The following TENM3 variants were observed in gnomAD, a reference collection of about 807,000 sequenced individuals.
TENM3 encodes the protein teneurin transmembrane protein 3.
A neutral mutation model predicts 255.1 loss-of-function variants in TENM3; 63 were observed. That is an observed-to-expected ratio of 0.25 (90% CI 0.20 to 0.30). The LOEUF (loss-of-function observed/expected upper bound fraction) is 0.30. TENM3 is among the 10% of genes least tolerant of loss of function. TENM3 has a pLI of 1.00. For missense variants in TENM3, 2,929 were observed against 3,461.1 expected (o/e 0.85, Z 3.86); for synonymous variants, 1,306 against 1,322.3 (o/e 0.99, Z 0.27).
intron 22 of TENM3, among the ~76,000 whole-genome samples, chr4:182,767,160 G>T (rs1763784563): frequency 6.6e-6 from 1 of 152,176 alleles, no homozygotes; most frequent in African/African-American, 2.4e-5. Context: ...ATTTGTCTTT[G>T]AGATGATAAT....
chr4:181,529,528 G>A, the TENM3 span, among the ~76,000 whole-genome samples: 3 of 152,176 alleles, frequency 2.0e-5, no homozygotes, highest in Admixed American at 1.3e-4. Flanking sequence ...ACTTACAACT[G>A]ACAGCCTAAG....
the TENM3 span, among the ~76,000 whole-genome samples, chr4:181,928,346 G>A: frequency 6.6e-6 from 1 of 151,776 alleles, no homozygotes; most frequent in African/African-American, 2.4e-5. Context: ...ATGACCTGAT[G>A]GAGCTGAAAA....
chr4:182,562,532 A>C, intron 3 of TENM3, among the ~76,000 whole-genome samples: 1 of 151,806 alleles, frequency 6.6e-6, no homozygotes, highest in East Asian at 1.9e-4. Context: ...GCCATTTTTC[A>C]CTCAAGAAAA....
At chr4:181,935,225 A>G in the TENM3 span, among the ~76,000 whole-genome samples, 1 of 152,266 alleles carries the variant, frequency 6.6e-6, no homozygotes, top group Non-Finnish European at 1.5e-5. Context: ...TTGTTTTCAA[A>G]AGGCAATAGT....
the TENM3 span, among the ~76,000 whole-genome samples, chr4:182,121,935 C>G: frequency 6.6e-6 from 1 of 152,188 alleles, no homozygotes; most frequent in Non-Finnish European, 1.5e-5. Context: ...TGGAGTCAAT[C>G]CTCTCAAACC....
chr4:181,586,008 C>G, the TENM3 span, among the ~76,000 whole-genome samples: 5 of 152,242 alleles, frequency 3.3e-5, no homozygotes, highest in South Asian at 1.0e-3. Context: ...TGGCTTCCAG[C>G]TTTTGCTTTA....
At chr4:182,040,807 T>TTTG in the TENM3 span, among the ~76,000 whole-genome samples, 573 of 152,308 alleles carry the variant, frequency 3.8e-3, 2 homozygotes, top group African/African-American at 0.011. Flanking sequence ...TCCATGGTTT[T>TTTG]TTGTTGTTGT....
intron 3 of TENM3, among the ~76,000 whole-genome samples, chr4:182,473,400 G>A (rs1196109325): frequency 1.3e-5 from 2 of 152,186 alleles, no homozygotes; most frequent in African/African-American, 4.8e-5. Flanking sequence ...CTGGCCGGGT[G>A]CCGTGGCTCA....
At chr4:181,902,294 A>G in the TENM3 span, among the ~76,000 whole-genome samples, 1 of 152,018 alleles carries the variant, frequency 6.6e-6, no homozygotes, top group Non-Finnish European at 1.5e-5. Context: ...ATGTTCTCCC[A>G]TTCCGTAGGT....
At chr4:182,098,216 C>A in the TENM3 span, among the ~76,000 whole-genome samples, 1 of 152,128 alleles carries the variant, frequency 6.6e-6, no homozygotes, top group Non-Finnish European at 1.5e-5. Context: ...GAAAGGGAAA[C>A]CCTCATACAC....
the TENM3 span, among the ~76,000 whole-genome samples, chr4:181,491,906 A>G: frequency 1.3e-5 from 2 of 152,150 alleles, no homozygotes. Flanking sequence ...ACTTATTATA[A>G]AAAGCTTTAA....
chr4:181,751,194 C>A, the TENM3 span, among the ~76,000 whole-genome samples: 3 of 152,102 alleles, frequency 2.0e-5, no homozygotes, highest in Non-Finnish European at 2.9e-5. Context: ...GGGTCATTTA[C>A]TTCCTCAAAG....
the TENM3 span, among the ~76,000 whole-genome samples, chr4:181,994,632 T>G: frequency 6.6e-6 from 1 of 151,492 alleles, no homozygotes; most frequent in East Asian, 1.9e-4. Flanking sequence ...ATAGTTGTAT[T>G]GATAAAATCT....
the TENM3 span, among the ~76,000 whole-genome samples, chr4:182,059,248 C>A: frequency 6.6e-6 from 1 of 152,210 alleles, no homozygotes; most frequent in East Asian, 1.9e-4. Flanking sequence ...GAACAAGATA[C>A]ATGAGTATGC....
At chr4:181,932,975 G>A in the TENM3 span, among the ~76,000 whole-genome samples, 7 of 152,208 alleles carry the variant, frequency 4.6e-5, no homozygotes, top group South Asian at 2.1e-4. Flanking sequence ...GAAAACACAC[G>A]GACACAGGGA....
chr4:181,638,271 G>A, the TENM3 span, among the ~76,000 whole-genome samples: 10 of 152,138 alleles, frequency 6.6e-5, no homozygotes, highest in African/African-American at 2.2e-4. Flanking sequence ...ATTAAATCAC[G>A]AATAAGTGGG....
At chr4:182,524,068 T>G (rs565778202) in intron 3 of TENM3, among the ~76,000 whole-genome samples, 1 of 152,336 alleles carries the variant, frequency 6.6e-6, no homozygotes, top group South Asian at 2.1e-4. Flanking sequence ...CCATTACCTC[T>G]GTTATTCGTC....
the TENM3 span, among the ~76,000 whole-genome samples, chr4:181,806,464 C>T: frequency 5.9e-5 from 9 of 152,192 alleles, no homozygotes; most frequent in Admixed American, 6.5e-5. Context: ...ATTTAATTGC[C>T]GTTGTGACAG....
At chr4:182,303,482 T>C (rs1411515889) in intron 1 of TENM3, among the ~76,000 whole-genome samples, 4 of 152,198 alleles carry the variant, frequency 2.6e-5, no homozygotes, top group African/African-American at 9.6e-5. Flanking sequence ...AGCGTAAGAA[T>C]TGATATGACC....
Sources: allele counts gnomAD v4.1 joint callset (sites outside exome capture counted in the v4.1 genomes callset), GRCh38; gene constraint gnomAD v4.1.1; transcripts MANE v1.5; gene names NCBI Gene and HGNC (gene_info 2026-07-23, HGNC 2026-07-21).